ITPR1: variants seen among roughly 807,000 people sequenced by gnomAD.
The protein encoded by ITPR1 is inositol 1,4,5-trisphosphate receptor type 1.
A neutral mutation model predicts 318.4 loss-of-function variants in ITPR1; 96 were observed. The ratio of observed to expected loss-of-function variants is 0.30; its 90% CI spans 0.26 to 0.36. ITPR1 has a LOEUF of 0.36. Ranked by LOEUF, ITPR1 falls within the 10% of genes least tolerant of loss-of-function variation. The pLI, the probability that ITPR1 is intolerant of heterozygous loss-of-function variation, is 1.00. For synonymous variants in ITPR1, 1,312 were observed against 1,289.9 expected (o/e 1.02, Z -0.37); for missense variants, 2,440 against 3,460.2 (o/e 0.71, Z 7.40).
At position 4,684,351 on chromosome 3, in the gene ITPR1, G is replaced by C; in HGVS notation, c.3564+5G>C. 1 of 1,603,832 alleles carries C rather than the reference G, an allele frequency of 6.2e-7. No homozygotes were observed. The highest frequency in any genetic ancestry group is 8.5e-7 in the Non-Finnish European group (1 of 1,171,430). On this transcript the variant is annotated splice_donor_5th_base_variant and intron_variant, in intron 29 of 61. Coordinates refer to ENST00000649015, the MANE Select transcript of ITPR1 (RefSeq NM_001378452.1). ...AACTACAGAGTGGTCAAAGAGGTAA[G>C]CTCCTCCCCCACCACCATTTTTCCT...
At chr3:4,759,277 A>G (rs1292660411) in intron 44 of ITPR1, among the ~76,000 whole-genome samples, 4 of 152,170 alleles carry the variant, frequency 2.6e-5, no homozygotes, top group Non-Finnish European at 5.9e-5. Flanking sequence ...GCAATATTAT[A>G]TTATTTTCAA....
chr3:4,561,440 G>C (rs2086663936), intron 4 of ITPR1, among the ~76,000 whole-genome samples: 1 of 152,186 alleles, frequency 6.6e-6, no homozygotes, highest in Non-Finnish European at 1.5e-5. Context: ...TTCTTTGGCA[G>C]GTGGGGAGTG....
At chr3:4,533,073 A>G (rs749722878) in intron 4 of ITPR1, among the ~76,000 whole-genome samples, 3 of 152,112 alleles carry the variant, frequency 2.0e-5, no homozygotes, top group Non-Finnish European at 2.9e-5. Context: ...TGGAAGCCCT[A>G]TGGTTGGGAG....
rs144624797 is a variant in ITPR1, at chr3:4,554,461, T to G, written c.163+33367T>G. On this transcript the variant is annotated intron_variant, in intron 4 of 61. Transcript: ENST00000649015. ...ATGTTTTTTGTGGGCATGAATCAATTGAATCCTTGTTTTTGATGCTGGCTA... is the reference window on the plus strand; with the variant it reads ...ATGTTTTTTGTGGGCATGAATCAATGGAATCCTTGTTTTTGATGCTGGCTA... Among the ~76,000 whole-genome samples, 482 of 152,280 alleles carry G rather than the reference T, an allele frequency of 3.2e-3. 3 individuals are homozygous for G. The highest frequency in any genetic ancestry group is 5.0e-3 in the Non-Finnish European group (340 of 68,012).
intron 44 of ITPR1, among the ~76,000 whole-genome samples, chr3:4,765,588 C>G (rs2045765192): frequency 6.6e-6 from 1 of 152,004 alleles, no homozygotes; most frequent in African/African-American, 2.4e-5. Flanking sequence ...TAGGGAAGTG[C>G]CATCTTTCCA....
chr3:4,839,339 A>C (rs1353353507), intron 61 of ITPR1, among the ~76,000 whole-genome samples: 1 of 152,128 alleles, frequency 6.6e-6, no homozygotes, highest in East Asian at 1.9e-4. Context: ...AAAAAAAAAA[A>C]AGAATAGAGG....
chr3:4,605,698 T>C (rs1162194762), intron 4 of ITPR1, among the ~76,000 whole-genome samples: 1 of 152,200 alleles, frequency 6.6e-6, no homozygotes, highest in Non-Finnish European at 1.5e-5. Flanking sequence ...ACCATTTCTC[T>C]TGCAACTTCT....
rs1187179653 is a variant in ITPR1 at position 4,608,980 on chromosome 3, AACAGAGTGAG to A, written c.164-18780_164-18771del. 8.4e-5 allele frequency among the ~76,000 whole-genome samples: 12 copies of A among 142,802 alleles called. No homozygotes were observed. In the South Asian group the frequency reaches 2.8e-3, roughly 34 times the overall value. The allele number at this position is 142,802 out of a possible 152,430, so 93.7% of individuals were successfully genotyped here. A position where few individuals can be genotyped will look rare whatever the true frequency, so the allele number is the denominator to read the frequency against. ...TCACGCACTGCACTCCAGCCTGGAT[AACAGAGTGAG>A]ACTCCGTCTTTAAAAAAAAAAAAAA... On this transcript the variant is annotated intron_variant, in intron 4 of 61. Coordinates refer to ENST00000649015, the MANE Select transcript of ITPR1 (RefSeq NM_001378452.1).
chr3:4,563,625 T>C (rs1042937398), intron 4 of ITPR1, among the ~76,000 whole-genome samples: 3 of 152,222 alleles, frequency 2.0e-5, no homozygotes, highest in Non-Finnish European at 4.4e-5. Context: ...TCCTACGAAA[T>C]TGCAGAGTAC....
At chr3:4,813,074 G>A (rs1262276862) in intron 56 of ITPR1, 68 bp from the exon 57 acceptor site, 6 of 1,088,152 alleles carry the variant, frequency 5.5e-6, no homozygotes, top group Admixed American at 5.1e-5. Context: ...GCCGTGAATT[G>A]GGGACTTCAA....
At chr3:4,677,600 G>C (rs2094210509) in intron 24 of ITPR1, among the ~76,000 whole-genome samples, 1 of 152,184 alleles carries the variant, frequency 6.6e-6, no homozygotes, top group Admixed American at 6.5e-5. Flanking sequence ...GAGGGAATGG[G>C]AGAAGATCAA....
chr3:4,662,256 C>A lies in ITPR1; in HGVS notation c.1412+14C>A. On this transcript the variant is annotated intron_variant, in intron 15 of 61. Transcript: ENST00000649015. ...GAATGAAAGGAGGTGAGCACTCCCG[C>A]ATGCTCAGCACAGCCGCCCTCCCGC... 1 of 1,579,348 alleles carries A rather than the reference C, an allele frequency of 6.3e-7. No homozygotes were observed. Among genetic ancestry groups the A allele is most frequent in the Non-Finnish European group, 8.6e-7 (1 of 1,161,154 alleles).
chr3:4,677,800 C>T (rs2094214384), intron 24 of ITPR1, among the ~76,000 whole-genome samples: 1 of 151,006 alleles, frequency 6.6e-6, no homozygotes, highest in South Asian at 2.1e-4. Flanking sequence ...GAGTTTGTTG[C>T]TGTTTGGGGA....
chr3:4,697,318 GT>G (rs1325437322), intron 34 of ITPR1, 46 bp downstream of exon 34: 84 of 1,066,896 alleles, frequency 7.9e-5, no homozygotes, highest in Non-Finnish European at 1.0e-4. Flanking sequence ...AGTGAGAGGT[GT>G]GTGTGTGTGT....
At chr3:4,690,996 C>T in intron 31 of ITPR1, 148 bp from the exon 32 acceptor site, 3 of 502,632 alleles carry the variant, frequency 6.0e-6, no homozygotes, top group Admixed American at 7.4e-5. Flanking sequence ...GAAGGTAGTA[C>T]AGAAGCAAGA....
intron 53 of ITPR1, among the ~76,000 whole-genome samples, chr3:4,796,165 T>C (rs979792354): frequency 4.6e-5 from 7 of 152,174 alleles, no homozygotes; most frequent in Non-Finnish European, 8.8e-5. Context: ...TTGAAAGCGA[T>C]GTTATGTAAT....
At chr3:4,616,061 T>C (rs1241171875) in intron 4 of ITPR1, among the ~76,000 whole-genome samples, 1 of 152,238 alleles carries the variant, frequency 6.6e-6, no homozygotes, top group Non-Finnish European at 1.5e-5. Flanking sequence ...GCTACCGTCA[T>C]GGCTGGAGAA....
chr3:4,768,931 A>T (rs1399753078), intron 46 of ITPR1, among the ~76,000 whole-genome samples, 167 bp downstream of exon 46: 2 of 146,318 alleles, frequency 1.4e-5, no homozygotes, highest in African/African-American at 2.5e-5. Context: ...TTTTTTTGAG[A>T]TGGAGTCTCG....
chr3:4,684,992 G>C, intron 29 of ITPR1, 77 bp from the exon 30 acceptor site: 1 of 1,462,712 alleles, frequency 6.8e-7, no homozygotes, highest in Non-Finnish European at 9.4e-7. Context: ...TTGCCTCCCT[G>C]CCCGCCACCA....
Sources: gnomAD v4.1 joint callset for allele counts (sites outside exome capture counted in the v4.1 genomes callset) on GRCh38, gnomAD v4.1.1 for gene constraint, MANE v1.5 for transcripts, NCBI Gene and HGNC (gene_info 2026-07-23, HGNC 2026-07-21) for gene names.